SYNE1: variants seen among roughly 807,000 people sequenced by gnomAD.
SYNE1 encodes the protein nesprin-1.
In SYNE1, 616 loss-of-function variants were observed where a neutral mutation model predicts 1,111.0. The ratio of observed to expected loss-of-function variants is 0.55; its 90% CI spans 0.52 to 0.59. The LOEUF (loss-of-function observed/expected upper bound fraction) is 0.59, where lower values mean the gene tolerates loss of function less well. Ranked by LOEUF, SYNE1 falls within the 20% of genes least tolerant of loss-of-function variation. The probability of loss-of-function intolerance (pLI) is 0.00; values close to 1 mark genes in which losing one functional copy is unlikely to be tolerated. For synonymous variants in SYNE1, 3,855 were observed against 3,825.8 expected (o/e 1.01, Z -0.28); for missense variants, 10,006 against 10,417.0 (o/e 0.96, Z 1.72).
At chr6:152,318,744 G>C in intron 85 of SYNE1, 119 bp downstream of exon 85, 1 of 1,180,698 alleles carries the variant, frequency 8.5e-7, no homozygotes, top group Non-Finnish European at 1.2e-6. Context: ...ACCACCTGCT[G>C]TTACTATTTG....
intron 99 of SYNE1, 38 bp downstream of exon 99, chr6:152,269,117 C>T (rs1562651011): frequency 1.2e-6 from 2 of 1,613,982 alleles, no homozygotes; most frequent in Non-Finnish European, 1.7e-6. Context: ...CTTCTCTGGG[C>T]AGATCTGCAA....
Position 152,409,087 on chromosome 6 carries a change from G to A in SYNE1, c.6521C>T (p.Thr2174Ile), listed in dbSNP as rs141858284. 1.5e-3 allele frequency: 2,401 copies of A among 1,614,044 alleles called. 5 individuals carry two copies. Among genetic ancestry groups the A allele is most frequent in the Admixed American group, 2.0e-3 (119 of 60,010 alleles). Residue 2174 changes from threonine (T) to isoleucine (I), a missense_variant, in exon 44 of 146, where the codon ACC (threonine) becomes ATC (isoleucine). Around this residue, in one of 7 missense-constraint regions of SYNE1, gnomAD observed 4,955 missense variants for 5,017.2 expected, o/e 0.99. Transcript: ENST00000367255. ...FSLVKTDMES[T>I]VDKWLDVSEK... ...TCTTACATCCAGCCATTTGTCCACG[G>A]TGCTCTCCATGTCTGTTTTCACCAA...
chr6:152,511,245 C>T (rs1352311158), intron 6 of SYNE1, 142 bp from the exon 7 acceptor site: 1 of 754,252 alleles, frequency 1.3e-6, no homozygotes, highest in Non-Finnish European at 2.2e-6. Flanking sequence ...TAGAGTGAGG[C>T]ACCGAAACAA....
intron 75 of SYNE1, among the ~76,000 whole-genome samples, chr6:152,337,643 T>A (rs569292215): frequency 6.6e-6 from 1 of 152,354 alleles, no homozygotes; most frequent in East Asian, 1.9e-4. Context: ...TGATGGTTTT[T>A]CCCATTGGGC....
chr6:152,225,492 T>G (rs1588203427), intron 116 of SYNE1, among the ~76,000 whole-genome samples: 2 of 151,676 alleles, frequency 1.3e-5, no homozygotes, highest in African/African-American at 4.8e-5. Flanking sequence ...GCCATGGGAA[T>G]GGATGAGATC....
rs1384241452 is a variant in SYNE1, at chr6:152,416,628, G to T, written c.5809C>A (p.Leu1937Met). The change falls in exon 41 of 146, where the codon CTG becomes ATG. Residue 1937 changes from leucine to methionine, a missense_variant. By Grantham distance (15) the Leu-to-Met change is conservative (BLOSUM62 2). This residue lies in a region of SYNE1 where 4,955 missense variants were observed against 5,017.2 expected (regional missense o/e 0.99). Transcript: ENST00000367255. ...CTTTGCTCAGAGCTCCCGATTTTCA[G>T]ATGGTATTGGGCTTTGGAAAGAATG... ...DGILSKAQYH[L>M]KIGSSEQRTS... 1.9e-6 allele frequency: 3 copies of T among 1,614,196 alleles called. No homozygotes were observed. Among genetic ancestry groups the T allele is most frequent in the South Asian group, 1.1e-5 (1 of 91,086 alleles).
intron 44 of SYNE1, among the ~76,000 whole-genome samples, chr6:152,408,026 G>C (rs988093942): frequency 6.6e-6 from 1 of 151,924 alleles, no homozygotes; most frequent in Non-Finnish European, 1.5e-5. Flanking sequence ...GTCTCCCAAA[G>C]TGCTGCGATT....
rs1554597866 is a variant in SYNE1, at chr6:152,385,668, C to T, written c.8652+6G>A. The T allele has an allele frequency of 6.2e-7, 1 of 1,613,872 alleles. No individual in the cohort carries two copies. The highest frequency in any genetic ancestry group is 8.5e-7 in the Non-Finnish European group (1 of 1,179,948). On this transcript the variant is annotated splice_donor_region_variant and intron_variant, in intron 55 of 145. Coordinates refer to ENST00000367255, the MANE Select transcript of SYNE1 (RefSeq NM_182961.4). ...ATGTAGATATAGCATCTGTTCATTT[C>T]CTGACCTTAATTTTTGATAACTTTT...
At chr6:152,526,232 CTT>C in intron 4 of SYNE1, 57 bp from the exon 5 acceptor site, 1 of 1,522,830 alleles carries the variant, frequency 6.6e-7, no homozygotes. Context: ...CTGTTTCTCT[CTT>C]TCTCTCTCTC....
At chr6:152,625,339 G>C (rs1476962163) in intron 3 of SYNE1, among the ~76,000 whole-genome samples, 1 of 152,202 alleles carries the variant, frequency 6.6e-6, no homozygotes, top group Non-Finnish European at 1.5e-5. Flanking sequence ...GAGAGCAAGA[G>C]ACCTGCACGT....
chr6:152,213,892 T>C lies in SYNE1; in HGVS notation c.22347-133A>G, dbSNP rs924032508. On this transcript the variant is annotated intron_variant, in intron 122 of 145. Transcript: ENST00000367255. ...ACCACAAAGCTTTCATGTCAGGTGG[T>C]AAAATTATTTTAAAAAAGAAGAAAG... 2.3e-6 allele frequency: 3 copies of C among 1,315,810 alleles called. No individual in the cohort carries two copies. In the African/African-American group the frequency reaches 4.7e-5, roughly 20 times the overall value. The allele number at this position is 1,315,810 out of a possible 1,614,324, so 81.5% of individuals were successfully genotyped here.
intron 62 of SYNE1, among the ~76,000 whole-genome samples, chr6:152,365,666 C>T (rs1189752863): frequency 6.6e-6 from 1 of 150,968 alleles, no homozygotes; most frequent in Non-Finnish European, 1.5e-5. Context: ...GAGGTCGATG[C>T]CCAGCCTGGT....
intron 39 of SYNE1, among the ~76,000 whole-genome samples, chr6:152,424,377 C>G (rs2098318299): frequency 6.6e-6 from 1 of 152,194 alleles, no homozygotes; most frequent in East Asian, 1.9e-4. Flanking sequence ...TTAAAAGTCC[C>G]TTACTTTCCC....
intron 8 of SYNE1, among the ~76,000 whole-genome samples, chr6:152,506,187 C>A (rs772334343): frequency 6.6e-6 from 1 of 152,064 alleles, no homozygotes; most frequent in East Asian, 1.9e-4. Context: ...AAAAGAGAAG[C>A]GAGGCAAGCT....
chr6:152,197,140 A>G (rs2074318972), intron 127 of SYNE1, among the ~76,000 whole-genome samples: 1 of 152,180 alleles, frequency 6.6e-6, no homozygotes, highest in African/African-American at 2.4e-5. Context: ...TGGGGCACCG[A>G]AAAGAAGAGG....
intron 3 of SYNE1, among the ~76,000 whole-genome samples, chr6:152,622,857 G>T (rs1414852456): frequency 6.6e-6 from 1 of 152,074 alleles, no homozygotes; most frequent in Non-Finnish European, 1.5e-5. Flanking sequence ...CTTCCACAAA[G>T]GTTGAACTAA....
chr6:152,171,490 A>G (rs1195615494), intron 130 of SYNE1, among the ~76,000 whole-genome samples: 3 of 152,218 alleles, frequency 2.0e-5, no homozygotes, highest in Non-Finnish European at 4.4e-5. Context: ...AAAATGACTG[A>G]TCACACAAGA....
chr6:152,213,338 C>T (rs575665600), intron 123 of SYNE1, among the ~76,000 whole-genome samples: 1 of 152,256 alleles, frequency 6.6e-6, no homozygotes, highest in East Asian at 1.9e-4. Context: ...TTGCCTGTCT[C>T]GAGTAAGTAG....
intron 25 of SYNE1, among the ~76,000 whole-genome samples, chr6:152,451,526 A>C (rs2098650384): frequency 8.4e-6 from 1 of 118,544 alleles, no homozygotes; most frequent in African/African-American, 3.4e-5. Context: ...TCTGTCGCCC[A>C]GGGTGGAGTA....
Sources: allele counts gnomAD v4.1 joint callset (sites outside exome capture counted in the v4.1 genomes callset), GRCh38; gene constraint gnomAD v4.1.1; regional missense constraint gnomAD v4.1.1; transcripts MANE v1.5; gene names NCBI Gene and HGNC (gene_info 2026-07-23, HGNC 2026-07-21).